The following UBE2QL1 variants were observed in gnomAD, a reference collection of about 807,000 sequenced individuals.
The protein encoded by UBE2QL1 is ubiquitin-conjugating enzyme E2Q-like protein 1.
UBE2QL1 carries 5 observed loss-of-function variants against 12.6 expected under a neutral mutation model. That is an observed-to-expected ratio of 0.40 (90% confidence interval 0.21 to 0.83). The LOEUF (loss-of-function observed/expected upper bound fraction) is 0.83. Ranked by LOEUF, UBE2QL1 falls within the 40% of genes least tolerant of loss-of-function variation. The probability of loss-of-function intolerance (pLI) is 0.37; values close to 1 mark genes in which losing one functional copy is unlikely to be tolerated. For missense variants in UBE2QL1, 99 were observed against 222.6 expected (o/e 0.44, Z 3.53); for synonymous variants, 96 against 94.5 (o/e 1.02, Z -0.10).
rs535548210 is a variant in UBE2QL1 at position 6,479,061 on chromosome 5, A to C, written c.355-12157A>C. On this transcript the variant is annotated intron_variant, in intron 1 of 1. Transcript: ENST00000399816. This position sits in a 1 kb window ranked among gnomAD's most constrained non-coding sequence, Gnocchi z 4.2. ...AGCATCAGGAGTCTGTTGGATCCCC[A>C]GTGCCTCATCCTGAAATCAGGGAGG... is the stretch of plus-strand genomic sequence containing the variant. 7.9e-5 allele frequency among the ~76,000 whole-genome samples: 12 copies of C among 152,184 alleles called. No homozygotes were observed. The highest frequency in any genetic ancestry group is 1.2e-4 in the Non-Finnish European group (8 of 68,000).
intron 1 of UBE2QL1, among the ~76,000 whole-genome samples, chr5:6,487,008 G>C (rs548533861): frequency 1.3e-5 from 2 of 152,262 alleles, no homozygotes; most frequent in East Asian, 3.9e-4. Context: ...AACATGCCTG[G>C]TTATCCGCCC....
Position 6,481,616 on chromosome 5 carries a change from C to T in UBE2QL1, c.355-9602C>T, listed in dbSNP as rs1013188050. 6.6e-6 allele frequency among the ~76,000 whole-genome samples: 1 copy of T among 152,218 alleles called. No individual in the cohort carries two copies. Among genetic ancestry groups the T allele is most frequent in the African/African-American group, 2.4e-5 (1 of 41,460 alleles). ...CCCAAACAGAACTCAGTATCTTATC[C>T]TAGAAACCTGTTCCTCCTGGGTCAG... On this transcript the variant is annotated intron_variant, in intron 1 of 1. Coordinates refer to ENST00000399816, the MANE Select transcript of UBE2QL1 (RefSeq NM_001145161.3). This position sits in a 1 kb window ranked among gnomAD's most constrained non-coding sequence, Gnocchi z 4.5.
At chr5:6,463,538 C>T (rs11954370) in intron 1 of UBE2QL1, among the ~76,000 whole-genome samples, 13,368 of 151,640 alleles carry the variant, frequency 0.088, 977 homozygotes, top group East Asian at 0.35. Flanking sequence ...GCAGCAGGAC[C>T]GGGAGCGAGA....
rs539847634 is a variant in UBE2QL1 at position 6,475,970 on chromosome 5, GA to G, written c.355-15245del. ...CTGGATTTAACCCCAAGACCTGTCG[GA>G]AAGAATGCTTTATGAAATACACTTA... On this transcript the variant is annotated intron_variant, in intron 1 of 1. Transcript: ENST00000399816. Among the ~76,000 whole-genome samples the G allele has an allele frequency of 2.3e-3, 357 of 152,344 alleles. 2 individuals are homozygous for G. The highest frequency in any genetic ancestry group is 8.4e-3 in the African/African-American group (350 of 41,572).
At chr5:6,474,051 A>G (rs1000985625) in intron 1 of UBE2QL1, among the ~76,000 whole-genome samples, 3 of 152,232 alleles carry the variant, frequency 2.0e-5, no homozygotes, top group Non-Finnish European at 2.9e-5. Flanking sequence ...AGTAAAATTG[A>G]AAGATTTTAC....
rs868681872 is a variant in UBE2QL1, at chr5:6,469,771, T to G, written c.354+20524T>G. Among the ~76,000 whole-genome samples, 4 of 152,246 alleles carry G rather than the reference T, an allele frequency of 2.6e-5. No homozygotes were observed. The Middle Eastern group carries it at 0.01, about 388-fold the overall frequency. ...ACTTTTTTCTTCCTCTAAGTGCTCT[T>G]AACCCAAAAAAGCCAATTAAATGGA... On this transcript the variant is annotated intron_variant, in intron 1 of 1. Coordinates refer to ENST00000399816, the MANE Select transcript of UBE2QL1 (RefSeq NM_001145161.3).
At chr5:6,489,402 TG>T in intron 1 of UBE2QL1, among the ~76,000 whole-genome samples, 1 of 151,146 alleles carries the variant, frequency 6.6e-6, no homozygotes, top group South Asian at 2.1e-4. Flanking sequence ...CCAGCCTGGA[TG>T]ACAGAGCAAG....
intron 1 of UBE2QL1, among the ~76,000 whole-genome samples, chr5:6,467,445 C>T (rs1395994314): frequency 1.3e-5 from 2 of 152,132 alleles, no homozygotes; most frequent in East Asian, 1.9e-4. Context: ...GGATCTGTCT[C>T]CTCTACGTGT....
intron 1 of UBE2QL1, among the ~76,000 whole-genome samples, chr5:6,470,703 G>A (rs1739896295): frequency 6.6e-6 from 1 of 152,222 alleles, no homozygotes; most frequent in Admixed American, 6.5e-5. Flanking sequence ...GGACGTCTGA[G>A]CCAGCCCTGT....
At chr5:6,466,678 G>A (rs1169480697) in intron 1 of UBE2QL1, among the ~76,000 whole-genome samples, 1 of 152,262 alleles carries the variant, frequency 6.6e-6, no homozygotes, top group Non-Finnish European at 1.5e-5. Flanking sequence ...CAGGAAAGTG[G>A]ACATTTTTAG....
chr5:6,485,237 C>T (rs977993023), intron 1 of UBE2QL1, among the ~76,000 whole-genome samples: 1 of 152,180 alleles, frequency 6.6e-6, no homozygotes, highest in Non-Finnish European at 1.5e-5. Flanking sequence ...TTTCCTGTCT[C>T]ATCCGACTAG....
At chr5:6,465,655 C>T (rs1023932022) in intron 1 of UBE2QL1, among the ~76,000 whole-genome samples, 3 of 152,138 alleles carry the variant, frequency 2.0e-5, no homozygotes, top group Admixed American at 2.0e-4. Context: ...CCTCTCCGCC[C>T]CCAGCAATTC....
At chr5:6,468,028 C>T (rs1411099121) in intron 1 of UBE2QL1, among the ~76,000 whole-genome samples, 4 of 152,154 alleles carry the variant, frequency 2.6e-5, no homozygotes, top group Non-Finnish European at 4.4e-5. Context: ...AACAGGGACT[C>T]GATCCATCTT....
chr5:6,451,652 G>A (rs966604015), intron 1 of UBE2QL1, among the ~76,000 whole-genome samples: 1 of 152,166 alleles, frequency 6.6e-6, no homozygotes, highest in Non-Finnish European at 1.5e-5. Flanking sequence ...CCAACATACA[G>A]CTGTCTAAGA....
At chr5:6,487,834 C>A (rs1053134783) in intron 1 of UBE2QL1, among the ~76,000 whole-genome samples, 15 of 152,226 alleles carry the variant, frequency 9.9e-5, no homozygotes, top group African/African-American at 2.7e-4. Context: ...AATGGCAATT[C>A]CCAAAGACCT....
chr5:6,462,148 G>C (rs1560929612), intron 1 of UBE2QL1, among the ~76,000 whole-genome samples: 1 of 152,152 alleles, frequency 6.6e-6, no homozygotes, highest in East Asian at 1.9e-4. Flanking sequence ...TCAGAACTGG[G>C]TCTTGGTCAG....
At chr5:6,484,673 A>G (rs1579301777) in intron 1 of UBE2QL1, among the ~76,000 whole-genome samples, 2 of 152,112 alleles carry the variant, frequency 1.3e-5, no homozygotes, top group East Asian at 3.9e-4. Flanking sequence ...CCCGGGTTGC[A>G]CTTCAGACAA....
intron 1 of UBE2QL1, 75 bp downstream of exon 1, chr5:6,449,322 G>A: frequency 1.6e-6 from 2 of 1,273,212 alleles, no homozygotes; most frequent in Non-Finnish European, 2.0e-6. Context: ...CCCGGGCCCC[G>A]TGGTGAGGGC....
At chr5:6,458,529 A>C (rs933506605) in intron 1 of UBE2QL1, among the ~76,000 whole-genome samples, 1 of 152,220 alleles carries the variant, frequency 6.6e-6, no homozygotes, top group Non-Finnish European at 1.5e-5. Context: ...TATTAAACCA[A>C]TTATTTTTGC....
Sources: gnomAD v4.1 joint callset for allele counts (sites outside exome capture counted in the v4.1 genomes callset) on GRCh38, gnomAD v4.1.1 for gene constraint, Gnocchi (gnomAD v3.1) non-coding constraint, MANE v1.5 for transcripts, NCBI Gene and HGNC (gene_info 2026-07-23, HGNC 2026-07-21) for gene names.